The following KCNQ5 variants were observed in gnomAD, a reference collection of about 807,000 sequenced individuals.
KCNQ5 encodes potassium voltage-gated channel subfamily Q member 5.
A neutral mutation model predicts 98.2 loss-of-function variants in KCNQ5; 30 were observed. The observed-to-expected ratio is 0.31, with a 90% CI of 0.23 to 0.41. The LOEUF (loss-of-function observed/expected upper bound fraction) is 0.41, where lower values mean the gene tolerates loss of function less well. KCNQ5 is among the 10% of genes least tolerant of loss of function. The pLI, the probability that KCNQ5 is intolerant of heterozygous loss-of-function variation, is 1.00. For synonymous variants in KCNQ5, 458 were observed against 449.4 expected, an observed-to-expected ratio of 1.02 and a Z score of -0.24; for missense variants, 835 against 1,182.5, an observed-to-expected ratio of 0.71 and a Z score of 4.31.
At chr6:72,702,042 C>G (rs1561930878) in intron 1 of KCNQ5, among the ~76,000 whole-genome samples, 1 of 152,162 alleles carries the variant, frequency 6.6e-6, no homozygotes, top group East Asian at 1.9e-4. Flanking sequence ...TTTAAATAAA[C>G]TCCATGTTAC....
chr6:72,645,041 G>T (rs1765515544), intron 1 of KCNQ5, among the ~76,000 whole-genome samples: 1 of 151,874 alleles, frequency 6.6e-6, no homozygotes, highest in South Asian at 2.1e-4. Flanking sequence ...TGCTGGGATG[G>T]CCTGGACTTT....
chr6:72,938,037 T>C (rs1420900510), intron 1 of KCNQ5, among the ~76,000 whole-genome samples: 1 of 152,202 alleles, frequency 6.6e-6, no homozygotes, highest in Non-Finnish European at 1.5e-5. Flanking sequence ...CTGACCACCT[T>C]ACAAGGTTGT....
At chr6:72,828,833 T>G (rs1776114174) in intron 1 of KCNQ5, among the ~76,000 whole-genome samples, 1 of 152,022 alleles carries the variant, frequency 6.6e-6, no homozygotes, top group African/African-American at 2.4e-5. Context: ...GTGGTGAGAG[T>G]GGGCAGCCTT....
chr6:73,168,711 C>CAA (rs34691086), intron 10 of KCNQ5, among the ~76,000 whole-genome samples: 3 of 141,260 alleles, frequency 2.1e-5, no homozygotes, highest in Non-Finnish European at 4.6e-5. Flanking sequence ...GACTTTTTCT[C>CAA]AAAAAAAAAA....
At position 72,622,342 on chromosome 6, in the gene KCNQ5, A is replaced by C. The variant is rs1024883631; in HGVS notation, c.153A>C (p.Ala51=). 4 of 1,426,538 alleles carry C rather than the reference A, an allele frequency of 2.8e-6. No homozygotes were observed. Among genetic ancestry groups the C allele is most frequent in the African/African-American group, 1.5e-5 (1 of 66,910 alleles). The allele number at this position is 1,426,538 out of a possible 1,614,324, so 88.4% of individuals were successfully genotyped here. A position where few individuals can be genotyped will look rare whatever the true frequency, so the allele number is the denominator to read the frequency against. Residue 51 remains alanine (A), a synonymous_variant, in exon 1 of 14, where the codon GCA becomes GCC. Transcript: ENST00000370398. The surrounding 1 kb of genome is among the most constrained non-coding windows in gnomAD (Gnocchi z 6.0). ...GGGGCAGGGTGCTGCTGAACTCGGC[A>C]GCCGCCAGGGGCGACGGCCTGCTAC... ...SGRGRVLLNS[A]AARGDGLLLL... is the part of the protein sequence containing the mutation.
At chr6:72,650,076 TTATA>T (rs1361401345) in intron 1 of KCNQ5, among the ~76,000 whole-genome samples, 1 of 152,146 alleles carries the variant, frequency 6.6e-6, no homozygotes, top group Non-Finnish European at 1.5e-5. Flanking sequence ...GAAATTATGT[TTATA>T]TAGTTATTGG....
intron 1 of KCNQ5, among the ~76,000 whole-genome samples, chr6:72,743,848 T>C (rs900132072): frequency 7.9e-5 from 12 of 152,296 alleles, no homozygotes; most frequent in African/African-American, 2.4e-4. Flanking sequence ...TTTTATTGTA[T>C]CTTTCATGGT....
chr6:72,922,810 C>CTTTTTCTTTTTTTTTTTTTTTTTTTT (rs1554186016), intron 1 of KCNQ5, among the ~76,000 whole-genome samples: 10 of 103,826 alleles, frequency 9.6e-5, no homozygotes, highest in African/African-American at 1.4e-4. Context: ...TTTTCTTTTT[C>CTTTTTCTTTTTTTTTTTTTTTTTTTT]TTTTTTTTTT....
intron 1 of KCNQ5, among the ~76,000 whole-genome samples, chr6:72,636,844 G>A (rs1394097216): frequency 1.3e-5 from 2 of 152,222 alleles, no homozygotes; most frequent in Admixed American, 6.5e-5. Flanking sequence ...TAAAAGCAAA[G>A]TTTGGCCTTT....
At chr6:73,109,367 A>G (rs569994607) in intron 6 of KCNQ5, among the ~76,000 whole-genome samples, 40 of 152,330 alleles carry the variant, frequency 2.6e-4, no homozygotes, top group Admixed American at 2.2e-3. Flanking sequence ...TGTTAATTCA[A>G]TGTCTGCAAA....
intron 1 of KCNQ5, among the ~76,000 whole-genome samples, chr6:72,679,674 GTAAC>G (rs1582102842): frequency 6.6e-6 from 1 of 152,092 alleles, no homozygotes; most frequent in African/African-American, 2.4e-5. Context: ...GTATACACAT[GTAAC>G]TAACCTGCAC....
intron 2 of KCNQ5, among the ~76,000 whole-genome samples, chr6:73,006,602 G>A (rs373554947): frequency 5.3e-5 from 8 of 152,048 alleles, no homozygotes; most frequent in African/African-American, 7.2e-5. Context: ...GCAGTGAACC[G>A]GGATCGCACC....
At chr6:73,131,065 A>G (rs1295222705) in intron 9 of KCNQ5, among the ~76,000 whole-genome samples, 1 of 152,148 alleles carries the variant, frequency 6.6e-6, no homozygotes, top group Non-Finnish European at 1.5e-5. Context: ...AAATGATACT[A>G]AGATTTAGAG....
At chr6:72,625,279 G>A (rs1434822504) in intron 1 of KCNQ5, among the ~76,000 whole-genome samples, 4 of 152,198 alleles carry the variant, frequency 2.6e-5, no homozygotes, top group Admixed American at 2.0e-4. Context: ...CTATTGATAG[G>A]ATGGCTGGAC....
intron 1 of KCNQ5, among the ~76,000 whole-genome samples, chr6:72,961,621 CAA>C (rs56813781): frequency 4.0e-3 from 273 of 68,678 alleles, no homozygotes; most frequent in East Asian, 8.7e-3. Context: ...GACTCCGTCT[CAA>C]AAAAAAAAAA....
Position 73,169,434 on chromosome 6 carries a change from G to A in KCNQ5, c.1469-312G>A, listed in dbSNP as rs551556866. Among the ~76,000 whole-genome samples the A allele has an allele frequency of 2.6e-5, 4 of 152,344 alleles. No homozygotes were observed. In the South Asian group the frequency reaches 6.2e-4, roughly 24 times the overall value. On this transcript the variant is annotated intron_variant, in intron 10 of 13. Transcript: ENST00000370398. ...GCTGTCACTTAAAAGCTGGCTGTTAGTTTCCAAGGAACTGGGCAAAAGAGC... is the reference window on the plus strand; with the variant it reads ...GCTGTCACTTAAAAGCTGGCTGTTAATTTCCAAGGAACTGGGCAAAAGAGC...
At chr6:72,699,858 G>A (rs1450615378) in intron 1 of KCNQ5, among the ~76,000 whole-genome samples, 3 of 152,134 alleles carry the variant, frequency 2.0e-5, no homozygotes, top group Non-Finnish European at 4.4e-5. Flanking sequence ...ACTTCTGTGA[G>A]CAAAACAGTT....
At chr6:73,022,837 C>T (rs568377318) in intron 2 of KCNQ5, among the ~76,000 whole-genome samples, 1 of 152,162 alleles carries the variant, frequency 6.6e-6, no homozygotes, top group East Asian at 1.9e-4. Flanking sequence ...AGGTCTTGGT[C>T]AGTCTGGCTA....
chr6:72,981,563 T>G (rs982879485), intron 1 of KCNQ5, among the ~76,000 whole-genome samples: 6 of 152,188 alleles, frequency 3.9e-5, no homozygotes, highest in African/African-American at 1.4e-4. Flanking sequence ...TCTTTATTAG[T>G]CTTGCTAGTG....
Sources: gnomAD v4.1 joint callset for allele counts (sites outside exome capture counted in the v4.1 genomes callset) on GRCh38, gnomAD v4.1.1 for gene constraint, Gnocchi (gnomAD v3.1) non-coding constraint, MANE v1.5 for transcripts, NCBI Gene and HGNC (gene_info 2026-07-23, HGNC 2026-07-21) for gene names.